The following GRM5 variants were observed in gnomAD, a reference collection of about 807,000 sequenced individuals.
GRM5 encodes glutamate metabotropic receptor 5, also known as metabotropic glutamate receptor 5.
A neutral mutation model predicts 83.1 loss-of-function variants in GRM5; 19 were observed. The observed-to-expected ratio is 0.23, with a 90% CI of 0.16 to 0.34. The LOEUF (loss-of-function observed/expected upper bound fraction) is 0.34. GRM5 is among the 10% of genes least tolerant of loss of function. The probability of loss-of-function intolerance (pLI) is 1.00; values close to 1 mark genes in which losing one functional copy is unlikely to be tolerated. For synonymous variants in GRM5, 675 were observed against 633.6 expected, an observed-to-expected ratio of 1.07 and a Z score of -0.98; for missense variants, 1,160 against 1,588.3, an observed-to-expected ratio of 0.73 and a Z score of 4.58.
chr11:88,544,516 A>C (rs1390574702), intron 8 of GRM5, among the ~76,000 whole-genome samples: 1 of 152,076 alleles, frequency 6.6e-6, no homozygotes, highest in African/African-American at 2.4e-5. Flanking sequence ...ACTCCCCACT[A>C]ACCTCTGTTT....
intron 2 of GRM5, among the ~76,000 whole-genome samples, chr11:88,912,405 C>T (rs567257967): frequency 7.1e-4 from 107 of 151,628 alleles, no homozygotes; most frequent in Middle Eastern, 3.4e-3. Context: ...CTGGTCTTGG[C>T]TTCCTAAAGT....
chr11:88,893,273 A>G (rs1052060808), intron 2 of GRM5, among the ~76,000 whole-genome samples: 2 of 152,098 alleles, frequency 1.3e-5, no homozygotes, highest in African/African-American at 4.8e-5. Flanking sequence ...AAAATATTTT[A>G]CATAAGAAAG....
At chr11:88,637,407 T>C (rs1308826918) in intron 4 of GRM5, among the ~76,000 whole-genome samples, 1 of 151,998 alleles carries the variant, frequency 6.6e-6, no homozygotes, top group Non-Finnish European at 1.5e-5. Context: ...CCTACTCATC[T>C]GACAAAGGGC....
chr11:88,857,892 T>C (rs1944502275), intron 2 of GRM5, among the ~76,000 whole-genome samples: 1 of 152,088 alleles, frequency 6.6e-6, no homozygotes, highest in Admixed American at 6.6e-5. Flanking sequence ...ATTTAGGTGT[T>C]TAGGAACCTG....
chr11:88,877,505 T>A (rs1944875384), intron 2 of GRM5, among the ~76,000 whole-genome samples: 1 of 152,008 alleles, frequency 6.6e-6, no homozygotes, highest in Admixed American at 6.6e-5. Context: ...ATTAAGGCAG[T>A]TTATCATTAA....
chr11:88,868,220 C>T (rs1188038534), intron 2 of GRM5, among the ~76,000 whole-genome samples: 2 of 151,810 alleles, frequency 1.3e-5, no homozygotes, highest in Non-Finnish European at 2.9e-5. Flanking sequence ...TTCTTCTTCT[C>T]AGTAGGCAAT....
chr11:88,744,479 G>A (rs1476373478), intron 3 of GRM5, among the ~76,000 whole-genome samples: 1 of 152,096 alleles, frequency 6.6e-6, no homozygotes, highest in Non-Finnish European at 1.5e-5. Flanking sequence ...GCCCAGGAGT[G>A]GGGAATGGAA....
chr11:88,643,650 C>A (rs1417943865), intron 4 of GRM5, among the ~76,000 whole-genome samples: 1 of 152,164 alleles, frequency 6.6e-6, no homozygotes, highest in African/African-American at 2.4e-5. Flanking sequence ...TGAGGAATCT[C>A]AAATCTGGGT....
intron 3 of GRM5, among the ~76,000 whole-genome samples, chr11:88,735,795 C>A (rs192848617): frequency 1.3e-5 from 2 of 152,056 alleles, no homozygotes; most frequent in South Asian, 2.1e-4. Flanking sequence ...ACATTGACTG[C>A]GTTAATACTG....
intron 1 of GRM5, among the ~76,000 whole-genome samples, chr11:89,062,661 C>G (rs1942018653): frequency 6.6e-6 from 1 of 152,248 alleles, no homozygotes; most frequent in Non-Finnish European, 1.5e-5. Flanking sequence ...TTGTTATCCT[C>G]TCCTAAATTT....
chr11:88,926,234 A>G, intron 2 of GRM5, among the ~76,000 whole-genome samples: 1 of 152,134 alleles, frequency 6.6e-6, no homozygotes. Flanking sequence ...TCCTTCTAAA[A>G]TCAAAAACCA....
chr11:88,849,080 A>G lies in GRM5; in HGVS notation c.911+826T>C, dbSNP rs1590910020. ...AGACCTTTGGACTTGGATTGAAACT[A>G]CATATTGGCTCTCTTGGGTCTTTAA... On this transcript the variant is annotated intron_variant, in intron 3 of 9. Coordinates refer to ENST00000305447, the MANE Select transcript of GRM5 (RefSeq NM_001143831.3). 4.6e-5 allele frequency among the ~76,000 whole-genome samples: 7 copies of G among 152,224 alleles called. No homozygotes were observed. The South Asian group carries it at 1.5e-3, about 32-fold the overall frequency.
chr11:88,664,180 G>C (rs1939979284), intron 3 of GRM5, among the ~76,000 whole-genome samples: 1 of 152,018 alleles, frequency 6.6e-6, no homozygotes, highest in Admixed American at 6.6e-5. Flanking sequence ...TGATAACTAT[G>C]ATAATGTATG....
At chr11:88,693,957 A>AGC (rs1940844079) in intron 3 of GRM5, among the ~76,000 whole-genome samples, 1 of 152,196 alleles carries the variant, frequency 6.6e-6, no homozygotes, top group Non-Finnish European at 1.5e-5. Context: ...AGGAGACAGA[A>AGC]AAATGTCATG....
At position 89,047,656 on chromosome 11, in the gene GRM5, G is replaced by T. The variant is rs200015333; in HGVS notation, c.217C>A (p.Leu73Met). 24 of 1,613,852 alleles carry T rather than the reference G, an allele frequency of 1.5e-5. No individual in the cohort carries two copies. Among genetic ancestry groups the T allele is most frequent in the Non-Finnish European group, 2.0e-5 (24 of 1,179,896 alleles). Residue 73 changes from leucine (L) to methionine (M), a missense_variant, in exon 2 of 10, where the codon CTG becomes ATG. This residue lies in a region of GRM5 where 71 missense variants were observed against 145.8 expected (regional missense o/e 0.49). Transcript: ENST00000305447. This position sits in a 1 kb window ranked among gnomAD's most constrained non-coding sequence, Gnocchi z 5.1. ...GAATTGATCCTTTCCAGGGTATGCA[G>T]CATGGCCTCCACTCTCTGAATGCCA... is the stretch of plus-strand genomic sequence containing the variant. ...QYGIQRVEAM[L>M]HTLERINSDP...
At chr11:88,630,170 A>C (rs576388752) in intron 4 of GRM5, among the ~76,000 whole-genome samples, 1 of 152,018 alleles carries the variant, frequency 6.6e-6, no homozygotes, top group Admixed American at 6.6e-5. Context: ...TCTAAATCCT[A>C]TCTCCCTGAT....
chr11:88,702,222 A>G (rs922937063), intron 3 of GRM5, among the ~76,000 whole-genome samples: 1 of 152,070 alleles, frequency 6.6e-6, no homozygotes, highest in African/African-American at 2.4e-5. Flanking sequence ...GATACAAGGA[A>G]TCTGCCTTAT....
chr11:88,680,390 C>G (rs989964418), intron 3 of GRM5, among the ~76,000 whole-genome samples: 3 of 152,152 alleles, frequency 2.0e-5, no homozygotes, highest in Non-Finnish European at 2.9e-5. Context: ...CAGCTTCATC[C>G]ATGTCCCTAC....
intron 3 of GRM5, among the ~76,000 whole-genome samples, chr11:88,794,259 T>C (rs2135478276): frequency 6.6e-6 from 1 of 152,282 alleles, no homozygotes; most frequent in Admixed American, 6.5e-5. Flanking sequence ...TACCTGCCTC[T>C]AATGTTACCC....
Sources: allele counts gnomAD v4.1 joint callset (sites outside exome capture counted in the v4.1 genomes callset), GRCh38; gene constraint gnomAD v4.1.1; regional missense constraint gnomAD v4.1.1; non-coding constraint Gnocchi (gnomAD v3.1); transcripts MANE v1.5; gene names NCBI Gene and HGNC (gene_info 2026-07-23, HGNC 2026-07-21).